The following CEP63 variants were observed in gnomAD, a reference collection of about 807,000 sequenced individuals.
CEP63 encodes centrosomal protein of 63 kDa.
A neutral mutation model predicts 89.1 loss-of-function variants in CEP63; 84 were observed. The ratio of observed to expected loss-of-function variants is 0.94; its 90% CI spans 0.79 to 1.13. The LOEUF is 1.13. CEP63 is among the 50% of genes most tolerant of loss of function. The pLI, the probability that CEP63 is intolerant of heterozygous loss-of-function variation, is 0.00. For missense variants in CEP63, 838 were observed against 813.3 expected (o/e 1.03, Z -0.37); for synonymous variants, 267 against 272.5 (o/e 0.98, Z 0.20).
At chr3:134,548,827 G>A (rs1038508784) in intron 9 of CEP63, among the ~76,000 whole-genome samples, 14 of 152,104 alleles carry the variant, frequency 9.2e-5, no homozygotes, top group African/African-American at 2.9e-4. Context: ...AAGTATATGT[G>A]TACTCTTCCG....
In CEP63 at chr3:134,563,264, A is replaced by C. The variant is rs532748384; in HGVS notation, c.*1729A>C. 6.6e-6 allele frequency: 1 copy of C among 152,242 alleles called. No homozygotes were observed. Among genetic ancestry groups the C allele is most frequent in the African/African-American group, 2.4e-5 (1 of 41,404 alleles). 9.4% of individuals were successfully genotyped at this position (152,242 alleles called of 1,614,324 possible). A position where few individuals can be genotyped will look rare whatever the true frequency, so the allele number is the denominator to read the frequency against. On this transcript the variant is annotated 3_prime_UTR_variant, in exon 15 of 15. Transcript: ENST00000675561. ...CCAACCGTTTCCCTCCTGCACTTCT[A>C]CCACCTGATCCAGACTACTTCTCTC...
chr3:134,692,829 T>C, the CEP63 span, among the ~76,000 whole-genome samples: 1 of 152,244 alleles, frequency 6.6e-6, no homozygotes, highest in Non-Finnish European at 1.5e-5. Context: ...ACACTATGGC[T>C]GTTGGTCACC....
chr3:134,620,662 C>A, the CEP63 span: 2 of 909,630 alleles, frequency 2.2e-6, no homozygotes, highest in Non-Finnish European at 1.8e-6. Flanking sequence ...TGTCACTCTG[C>A]ACACGTGAAT....
intron 12 of CEP63, among the ~76,000 whole-genome samples, chr3:134,557,512 C>A (rs137893550): frequency 6.7e-6 from 1 of 149,780 alleles, no homozygotes; most frequent in African/African-American, 2.5e-5. Context: ...CCCAGACTAC[C>A]ATTTTTTCAA....
the CEP63 span, chr3:134,610,565 A>G: frequency 6.7e-6 from 4 of 594,624 alleles, no homozygotes; most frequent in African/African-American, 1.9e-5. Context: ...CACTGGGGAC[A>G]GGGAGATACA....
chr3:134,750,757 G>A, the CEP63 span, among the ~76,000 whole-genome samples: 4 of 152,314 alleles, frequency 2.6e-5, no homozygotes, highest in South Asian at 6.2e-4. Context: ...GCCTAGAAGT[G>A]CTGGGCATTT....
At chr3:134,486,500 G>A (rs764718323) in intron 1 of CEP63, 6 of 985,780 alleles carry the variant, frequency 6.1e-6, no homozygotes, top group Non-Finnish European at 7.2e-6. Flanking sequence ...GGCCCCGCCA[G>A]GTGGTCAGCC....
chr3:134,492,208 G>C lies in CEP63; in HGVS notation c.-25-3088G>C, dbSNP rs565281911. On this transcript the variant is annotated intron_variant, in intron 1 of 14. Coordinates refer to ENST00000675561, the MANE Select transcript of CEP63 (RefSeq NM_001353108.3). Reference sequence around the variant, plus strand: ...CCTGCCTCAGCCTCCCGTGTAGCTGGGACTACAGGCGCGCGCCACCATGCC... The same window carrying C: ...CCTGCCTCAGCCTCCCGTGTAGCTGCGACTACAGGCGCGCGCCACCATGCC... 1.1e-4 allele frequency among the ~76,000 whole-genome samples: 16 copies of C among 151,634 alleles called. No individual in the cohort carries two copies. In the East Asian group the frequency reaches 3.1e-3, roughly 29 times the overall value.
At chr3:134,688,091 A>G in the CEP63 span, among the ~76,000 whole-genome samples, 2 of 152,366 alleles carry the variant, frequency 1.3e-5, no homozygotes, top group African/African-American at 4.8e-5. Context: ...GAAAACCTAA[A>G]CTTACATAAA....
the CEP63 span, among the ~76,000 whole-genome samples, chr3:134,593,786 T>A: frequency 6.6e-6 from 1 of 152,210 alleles, no homozygotes; most frequent in African/African-American, 2.4e-5. Context: ...ACTTTAACAC[T>A]CTTGTTGAGC....
the CEP63 span, among the ~76,000 whole-genome samples, chr3:134,743,886 C>G: frequency 6.6e-6 from 1 of 152,106 alleles, no homozygotes; most frequent in Non-Finnish European, 1.5e-5. Context: ...TAAGATAAGT[C>G]CCTGCAATTT....
chr3:134,699,106 G>A, the CEP63 span, among the ~76,000 whole-genome samples: 1 of 152,182 alleles, frequency 6.6e-6, no homozygotes, highest in Non-Finnish European at 1.5e-5. Flanking sequence ...TCTGAAGGGG[G>A]CCCAGAGCAG....
the CEP63 span, among the ~76,000 whole-genome samples, chr3:134,614,402 T>G: frequency 6.6e-6 from 1 of 152,022 alleles, no homozygotes; most frequent in African/African-American, 2.4e-5. Flanking sequence ...AATGAAAACA[T>G]GGATGTAAGA....
At chr3:134,668,469 GGGAGCTTGCCAGCAGCCCTTA>G in the CEP63 span, among the ~76,000 whole-genome samples, 9 of 152,132 alleles carry the variant, frequency 5.9e-5, no homozygotes, top group Non-Finnish European at 5.9e-5. Flanking sequence ...TGCTCAGGAG[GGGAGCTTGCCAGCAGCCCTTA>G]GCCCCCAGGA....
the CEP63 span, among the ~76,000 whole-genome samples, chr3:134,682,432 C>T: frequency 1.3e-5 from 2 of 152,198 alleles, no homozygotes; most frequent in Admixed American, 1.3e-4. Context: ...GCCCTGTAAG[C>T]CAATAGCAAA....
intron 2 of CEP63, among the ~76,000 whole-genome samples, chr3:134,495,803 C>T (rs570932143): frequency 5.3e-5 from 8 of 152,242 alleles, no homozygotes; most frequent in African/African-American, 1.9e-4. Context: ...TTTTTTAGAC[C>T]CCACATATGA....
intron 3 of CEP63, among the ~76,000 whole-genome samples, chr3:134,519,953 A>G (rs1008389985): frequency 6.6e-6 from 1 of 152,240 alleles, no homozygotes; most frequent in Non-Finnish European, 1.5e-5. Flanking sequence ...AAAATGGTAT[A>G]TAAGAAACAT....
the CEP63 span, among the ~76,000 whole-genome samples, chr3:134,689,442 T>TTTATTATTATTA: frequency 2.9e-3 from 281 of 96,480 alleles, 1 homozygote; most frequent in East Asian, 0.011. Context: ...AAGGACCTTA[T>TTTATTATTATTA]TTATTATTAT....
Position 134,562,688 on chromosome 3 carries a change from TC to T in CEP63, c.*1155del, listed in dbSNP as rs2110201732. On this transcript the variant is annotated 3_prime_UTR_variant, in exon 15 of 15. Coordinates refer to ENST00000675561, the MANE Select transcript of CEP63 (RefSeq NM_001353108.3). ...CTTCCTAACCCTCTCCAACACCACTTCCATCCCCAGACTGCTTTCTTGCTCT... is the reference window on the plus strand; with the variant it reads ...CTTCCTAACCCTCTCCAACACCACTTCATCCCCAGACTGCTTTCTTGCTCT... 1 of 152,494 alleles carries T rather than the reference TC, an allele frequency of 6.6e-6. No homozygotes were observed. Among genetic ancestry groups the T allele is most frequent in the East Asian group, 1.9e-4 (1 of 5,168 alleles). 9.4% of individuals were successfully genotyped at this position (152,494 alleles called of 1,614,324 possible).
Sources: gnomAD v4.1 joint callset for allele counts (sites outside exome capture counted in the v4.1 genomes callset) on GRCh38, gnomAD v4.1.1 for gene constraint, MANE v1.5 for transcripts, NCBI Gene and HGNC (gene_info 2026-07-23, HGNC 2026-07-21) for gene names.